Variants in DIMT1 observed in about 807,000 individuals in gnomAD.
The protein encoded by DIMT1 is dimethyladenosine transferase.
In DIMT1, 36 loss-of-function variants were observed where a neutral mutation model predicts 43.2. The ratio of observed to expected loss-of-function variants is 0.83; its 90% confidence interval spans 0.64 to 1.10. The LOEUF (loss-of-function observed/expected upper bound fraction) is 1.10. Ranked by LOEUF, DIMT1 falls within the 50% of genes least tolerant of loss-of-function variation. DIMT1 has a pLI of 0.00. For missense variants in DIMT1, 341 were observed against 385.3 expected, an observed-to-expected ratio of 0.88 and a Z score of 0.96; for synonymous variants, 126 against 130.3, an observed-to-expected ratio of 0.97 and a Z score of 0.22.
chr5:62,389,663 G>A (rs1300925700), intron 11 of DIMT1, among the ~76,000 whole-genome samples: 1 of 152,000 alleles, frequency 6.6e-6, no homozygotes, highest in African/African-American at 2.4e-5. Context: ...TTTGTTTCAA[G>A]GTAACTGAAC....
intron 3 of DIMT1, 100 bp downstream of exon 3, chr5:62,401,936 C>T: frequency 3.3e-6 from 4 of 1,201,882 alleles, no homozygotes; most frequent in Non-Finnish European, 4.8e-6. Flanking sequence ...GGAGTTACTA[C>T]TAAAATAATA....
At position 62,398,882 on chromosome 5, in the gene DIMT1, C is replaced by G; in HGVS notation, c.241-1G>C. On this transcript the variant is annotated splice_acceptor_variant, in intron 3 of 11. Transcript: ENST00000199320. LOFTEE classifies it high-confidence loss of function. The stretch of plus-strand genomic sequence containing the variant: ...TTGGGTCAAGTTCACAAGCAACAAC[C>G]TAATTTAAAAAAAATAAAAATTATT... 6.2e-7 allele frequency: 1 copy of G among 1,605,418 alleles called. No individual in the cohort carries two copies. Among genetic ancestry groups the G allele is most frequent in the South Asian group, 1.1e-5 (1 of 89,182 alleles).
chr5:62,395,515 CAA>C (rs1298076205), intron 6 of DIMT1, among the ~76,000 whole-genome samples: 2 of 152,056 alleles, frequency 1.3e-5, no homozygotes. Flanking sequence ...TATTTCAAAA[CAA>C]AAGTTTCATG....
Position 62,392,960 on chromosome 5 carries a change from C to G in DIMT1, c.694G>C (p.Val232Leu), listed in dbSNP as rs1423186578. ...GCAGAGAGTGTCTTGTTTTTCCTAA[C>G]AAAGGTTATCCTTACTAGACCATCC... ...EWDGLVRITF[V>L]RKNKTLSAAF... Residue 232 changes from valine (V) to leucine (L), a missense_variant, in exon 9 of 12, where the codon GTT becomes CTT. Coordinates refer to ENST00000199320, the MANE Select transcript of DIMT1 (RefSeq NM_014473.4). 1 of 1,610,742 alleles carries G rather than the reference C, an allele frequency of 6.2e-7. No homozygotes were observed. Among genetic ancestry groups the G allele is most frequent in the East Asian group, 2.2e-5 (1 of 44,788 alleles).
chr5:62,389,498 A>AAAAAAAAAG (rs1162889362), intron 11 of DIMT1, among the ~76,000 whole-genome samples: 10 of 151,420 alleles, frequency 6.6e-5, no homozygotes, highest in African/African-American at 2.4e-4. Context: ...AAAAAAAAAA[A>AAAAAAAAAG]AAAGAAATGT....
Position 62,392,901 on chromosome 5 carries a change from C to T in DIMT1, c.728+25G>A, listed in dbSNP as rs200893056. ...GTATCTGGAGCACTGGCCCTTTATACATTAGAAATTAGTGTAATACTTACT... is the reference window on the plus strand; with the variant it reads ...GTATCTGGAGCACTGGCCCTTTATATATTAGAAATTAGTGTAATACTTACT... On this transcript the variant is annotated intron_variant, in intron 9 of 11. Transcript: ENST00000199320. The T allele has an allele frequency of 4.9e-4, 758 of 1,548,548 alleles. 3 individuals are homozygous for T. The African/African-American group carries it at 8.5e-3, about 17-fold the overall frequency.
Position 62,403,848 on chromosome 5 carries a change from T to G in DIMT1, c.-76A>C, listed in dbSNP as rs1742806618. On this transcript the variant is annotated 5_prime_UTR_variant, in exon 1 of 12. Coordinates refer to ENST00000199320, the MANE Select transcript of DIMT1 (RefSeq NM_014473.4). Reference sequence around the variant, plus strand: ...GGGCTAGCGTGAGAAAGCCACCACGTGGGGATCGCCGCCACGCGCCGCCCG... The same window carrying G: ...GGGCTAGCGTGAGAAAGCCACCACGGGGGGATCGCCGCCACGCGCCGCCCG... 3 of 1,487,396 alleles carry G rather than the reference T, an allele frequency of 2.0e-6. No individual in the cohort carries two copies. The highest frequency in any genetic ancestry group is 4.8e-5 in the East Asian group (2 of 41,514). 92.1% of individuals were successfully genotyped at this position (1,487,396 alleles called of 1,614,324 possible).
Position 62,398,874 on chromosome 5 carries a change from G to A in DIMT1, c.248C>T (p.Ala83Val), listed in dbSNP as rs765175695. ...TACTAGCCTTGGGTCAAGTTCACAA[G>A]CAACAACCTAATTTAAAAAAAATAA... ...KLLEKAKKVV[A>V]CELDPRLVAE... Residue 83 changes from alanine (A) to valine (V), a missense_variant, in exon 4 of 12, where the codon GCT becomes GTT. Physicochemically the swap from Ala to Val is moderately conservative, Grantham distance 64. Transcript: ENST00000199320. 1 of 1,610,146 alleles carries A rather than the reference G, an allele frequency of 6.2e-7. No individual in the cohort carries two copies. Among genetic ancestry groups the A allele is most frequent in the Non-Finnish European group, 8.5e-7 (1 of 1,177,954 alleles).
At chr5:62,396,258 C>A (rs894614888) in intron 6 of DIMT1, among the ~76,000 whole-genome samples, 1 of 150,960 alleles carries the variant, frequency 6.6e-6, no homozygotes, top group South Asian at 2.1e-4. Context: ...TGTAATAATC[C>A]CAGCATTTGG....
intron 7 of DIMT1, 35 bp from the exon 8 acceptor site, chr5:62,394,082 A>C (rs577468966): frequency 9.9e-5 from 158 of 1,598,178 alleles, no homozygotes; most frequent in Middle Eastern, 5.1e-4. Flanking sequence ...AGTACTCACA[A>C]AGGCAACTTT....
intron 9 of DIMT1, 68 bp from the exon 10 acceptor site, chr5:62,392,302 CTTT>C (rs1176964528): frequency 2.1e-6 from 3 of 1,402,336 alleles, no homozygotes; most frequent in Non-Finnish European, 3.0e-6. Context: ...CTTTTTTAAA[CTTT>C]TTTTTAACTA....
intron 6 of DIMT1, among the ~76,000 whole-genome samples, chr5:62,397,111 A>G (rs1742523287): frequency 6.6e-6 from 1 of 151,930 alleles, no homozygotes; most frequent in Non-Finnish European, 1.5e-5. Context: ...CACAATGCCC[A>G]GCTAATTTTT....
rs370303380 is a variant in DIMT1, at chr5:62,392,874, T to C, written c.728+52A>G. The stretch of plus-strand genomic sequence containing the variant: ...TCAGGAAAAGGACCAAATTCTAGCA[T>C]AGTATCTGGAGCACTGGCCCTTTAT... On this transcript the variant is annotated intron_variant, in intron 9 of 11. Transcript: ENST00000199320. The C allele has an allele frequency of 2.6e-5, 33 of 1,281,440 alleles. No individual in the cohort carries two copies. In the African/African-American group the frequency reaches 3.7e-4, roughly 14 times the overall value. 79.4% of individuals were successfully genotyped at this position (1,281,440 alleles called of 1,614,324 possible).
chr5:62,393,020 A>G, intron 8 of DIMT1, 30 bp from the exon 9 acceptor site: 1 of 1,515,712 alleles, frequency 6.6e-7, no homozygotes, highest in Non-Finnish European at 9.1e-7. Flanking sequence ...TTTTCTTCAA[A>G]TTACAAACTT....
intron 1 of DIMT1, 96 bp downstream of exon 1, chr5:62,403,598 C>T: frequency 7.0e-7 from 1 of 1,423,382 alleles, no homozygotes; most frequent in Non-Finnish European, 9.6e-7. Flanking sequence ...GCGTCCTGAC[C>T]GGCCTCTGCC....
intron 10 of DIMT1, 75 bp from the exon 11 acceptor site, chr5:62,391,057 G>T: frequency 8.1e-7 from 1 of 1,233,146 alleles, no homozygotes; most frequent in South Asian, 1.2e-5. Flanking sequence ...TTTTAGTTCA[G>T]TAAGTCATAA....
intron 2 of DIMT1, 146 bp from the exon 3 acceptor site, chr5:62,402,268 T>A: frequency 1.3e-6 from 1 of 759,492 alleles, no homozygotes; most frequent in Non-Finnish European, 2.1e-6. Context: ...TCTACGTGGT[T>A]AACAAAATTA....
In DIMT1 at chr5:62,398,575, A is replaced by G; in HGVS notation, c.397-15T>C. The G allele has an allele frequency of 6.2e-7, 1 of 1,613,020 alleles. No individual in the cohort carries two copies. The highest frequency in any genetic ancestry group is 8.5e-7 in the Non-Finnish European group (1 of 1,178,986). On this transcript the variant is annotated splice_polypyrimidine_tract_variant and intron_variant, in intron 5 of 11. Coordinates refer to ENST00000199320, the MANE Select transcript of DIMT1 (RefSeq NM_014473.4). ...GGTGAAGAGATCTGTAAGAGAATTA[A>G]CTAGTTATTTCCGGGAAAGACACAT...
chr5:62,390,038 T>C (rs1332815020), intron 11 of DIMT1, among the ~76,000 whole-genome samples: 1 of 152,226 alleles, frequency 6.6e-6, no homozygotes, highest in Non-Finnish European at 1.5e-5. Context: ...CAATAAAATA[T>C]AAACTCCATT....
Sources: allele counts gnomAD v4.1 joint callset (sites outside exome capture counted in the v4.1 genomes callset), GRCh38; gene constraint gnomAD v4.1.1; transcripts MANE v1.5; gene names NCBI Gene and HGNC (gene_info 2026-07-23, HGNC 2026-07-21).